Variants in EFNA5 observed in about 807,000 individuals in gnomAD.
EFNA5 encodes ephrin-A5.
EFNA5 carries 5 observed loss-of-function variants against 22.9 expected under a neutral mutation model. The observed-to-expected ratio is 0.22, with a 90% CI of 0.11 to 0.46. The LOEUF (loss-of-function observed/expected upper bound fraction) is 0.46. Ranked by LOEUF, EFNA5 falls within the 20% of genes least tolerant of loss-of-function variation. The pLI is 0.99. For missense variants in EFNA5, 237 were observed against 293.3 expected (o/e 0.81, Z 1.40); for synonymous variants, 113 against 112.2 (o/e 1.01, Z -0.04).
At chr5:107,616,152 A>C (rs1580561767) in intron 1 of EFNA5, among the ~76,000 whole-genome samples, 1 of 152,326 alleles carries the variant, frequency 6.6e-6, no homozygotes, top group East Asian at 1.9e-4. Flanking sequence ...AATTTCAATA[A>C]AGAAGTTTGG....
At chr5:107,595,479 A>G (rs1052926844) in intron 1 of EFNA5, among the ~76,000 whole-genome samples, 1 of 107,258 alleles carries the variant, frequency 9.3e-6, no homozygotes, top group Non-Finnish European at 1.9e-5. Context: ...ATATATCACC[A>G]CATTTTTTTA....
intron 1 of EFNA5, among the ~76,000 whole-genome samples, chr5:107,573,762 T>C (rs1426586728): frequency 6.6e-6 from 1 of 152,054 alleles, no homozygotes; most frequent in Non-Finnish European, 1.5e-5. Context: ...AGTGTGTGGG[T>C]CTATTTTTAT....
At chr5:107,584,217 G>A (rs1435371284) in intron 1 of EFNA5, among the ~76,000 whole-genome samples, 1 of 152,166 alleles carries the variant, frequency 6.6e-6, no homozygotes, top group Non-Finnish European at 1.5e-5. Flanking sequence ...AGATCGATGA[G>A]TTGGGCAATA....
chr5:107,433,003 G>A (rs1250021366), intron 1 of EFNA5, among the ~76,000 whole-genome samples: 2 of 152,026 alleles, frequency 1.3e-5, no homozygotes, highest in Non-Finnish European at 2.9e-5. Context: ...TTCTTTTCTT[G>A]AGCTTACTTG....
chr5:107,391,144 C>G (rs1193181640), intron 2 of EFNA5, among the ~76,000 whole-genome samples: 2 of 152,026 alleles, frequency 1.3e-5, no homozygotes, highest in Non-Finnish European at 2.9e-5. Context: ...AGCAACAGAG[C>G]TAGACTCTGT....
chr5:107,564,917 CA>C (rs1207963355), intron 1 of EFNA5, among the ~76,000 whole-genome samples: 6 of 151,986 alleles, frequency 3.9e-5, no homozygotes, highest in Non-Finnish European at 1.5e-5. Flanking sequence ...GTAATCTTAC[CA>C]CATACCCTCA....
chr5:107,663,226 A>C (rs887563868), intron 1 of EFNA5, among the ~76,000 whole-genome samples: 1 of 70,124 alleles, frequency 1.4e-5, no homozygotes, highest in Non-Finnish European at 2.6e-5. Context: ...CTAGGGGGGA[A>C]AAAAAACACG....
At chr5:107,661,138 GAAGAAGA>G (rs1340130484) in intron 1 of EFNA5, among the ~76,000 whole-genome samples, 4 of 130,942 alleles carry the variant, frequency 3.1e-5, no homozygotes, top group Non-Finnish European at 5.3e-5. Context: ...AGAAGAAGAA[GAAGAAGA>G]AAAAAAAAGT....
At chr5:107,518,314 CGG>C (rs1008231637) in intron 1 of EFNA5, among the ~76,000 whole-genome samples, 1 of 151,476 alleles carries the variant, frequency 6.6e-6, no homozygotes, top group Non-Finnish European at 1.5e-5. Flanking sequence ...TTGCAGACAT[CGG>C]TCCCTTGTTT....
At chr5:107,592,006 AATATATATAATATAAT>A (rs1749370958) in intron 1 of EFNA5, among the ~76,000 whole-genome samples, 1 of 44,320 alleles carries the variant, frequency 2.3e-5, no homozygotes, top group African/African-American at 1.4e-4. Flanking sequence ...TATAATATAT[AATATATATAATATAAT>A]ATATATTATA....
At chr5:107,382,537 T>A (rs2112483395) in intron 4 of EFNA5, among the ~76,000 whole-genome samples, 1 of 152,238 alleles carries the variant, frequency 6.6e-6, no homozygotes, top group Non-Finnish European at 1.5e-5. Context: ...GATGCCTGGC[T>A]AATTTTAAGA....
Position 107,460,698 on chromosome 5 carries a change from A to C in EFNA5, c.126-33189T>G, listed in dbSNP as rs144928329. Among the ~76,000 whole-genome samples, 1,221 of 152,306 alleles carry C rather than the reference A, an allele frequency of 8.0e-3. 20 individuals are homozygous for C. Among genetic ancestry groups the C allele is most frequent in the African/African-American group, 0.027 (1,117 of 41,570 alleles). On this transcript the variant is annotated intron_variant, in intron 1 of 4. Transcript: ENST00000333274. Reference sequence around the variant, plus strand: ...CTACTTCTGATATCTTAACCAAAAAACAGAAGAGAGGGAGAAGACAAATGG... The same window carrying C: ...CTACTTCTGATATCTTAACCAAAAACCAGAAGAGAGGGAGAAGACAAATGG...
intron 1 of EFNA5, among the ~76,000 whole-genome samples, chr5:107,641,017 T>TAGACAGACAGAC (rs1200978327): frequency 8.8e-6 from 1 of 113,658 alleles, no homozygotes; most frequent in Admixed American, 8.5e-5. Flanking sequence ...GATAGATAGA[T>TAGACAGACAGAC]AGATAGACAG....
chr5:107,511,002 TTGTGTGTGTGTGTG>T (rs71644591), intron 1 of EFNA5, among the ~76,000 whole-genome samples: 5 of 140,298 alleles, frequency 3.6e-5, no homozygotes, highest in East Asian at 2.1e-4. Context: ...TTCTTTTTCT[TTGTGTGTGTGTGTG>T]TGTGTGTGTG....
intron 2 of EFNA5, among the ~76,000 whole-genome samples, chr5:107,418,305 C>T (rs926515078): frequency 2.6e-5 from 4 of 152,206 alleles, no homozygotes; most frequent in Non-Finnish European, 5.9e-5. Context: ...ACACGTGATA[C>T]AGCAGCTCAT....
Position 107,606,130 on chromosome 5 carries a change from T to G in EFNA5, c.125+64359A>C, listed in dbSNP as rs536152300. Among the ~76,000 whole-genome samples the G allele has an allele frequency of 5.3e-5, 8 of 152,314 alleles. No individual in the cohort carries two copies. In the South Asian group the frequency reaches 1.7e-3, roughly 32 times the overall value. On this transcript the variant is annotated intron_variant, in intron 1 of 4. Transcript: ENST00000333274. ...CCAGCTACTCAAGTATTGCAAATCT[T>G]AAGAATTCTACGTGCTCAGACAAAT...
intron 1 of EFNA5, among the ~76,000 whole-genome samples, chr5:107,497,628 C>T (rs1747021416): frequency 1.3e-5 from 2 of 150,706 alleles, no homozygotes; most frequent in Non-Finnish European, 2.9e-5. Flanking sequence ...GCAACTTCTT[C>T]AGTTTGTTCC....
At chr5:107,562,205 C>A (rs1024641857) in intron 1 of EFNA5, among the ~76,000 whole-genome samples, 1 of 152,040 alleles carries the variant, frequency 6.6e-6, no homozygotes, top group Non-Finnish European at 1.5e-5. Flanking sequence ...ACTGACAGGG[C>A]AAAAAATTTT....
intron 1 of EFNA5, among the ~76,000 whole-genome samples, chr5:107,663,224 GA>G (rs55968746): frequency 0.33 from 49,316 of 151,400 alleles, 8,676 homozygotes; most frequent in East Asian, 0.56. Context: ...TTCTAGGGGG[GA>G]AAAAAAACAC....
Sources: allele counts gnomAD v4.1 joint callset (sites outside exome capture counted in the v4.1 genomes callset), GRCh38; gene constraint gnomAD v4.1.1; transcripts MANE v1.5; gene names NCBI Gene and HGNC (gene_info 2026-07-23, HGNC 2026-07-21).